Variants in ABLIM2 observed in about 807,000 individuals in gnomAD.
The protein encoded by ABLIM2 is actin-binding LIM protein 2.
Under a neutral mutation model 97.7 loss-of-function variants are expected in ABLIM2, and 53 were observed. The ratio of observed to expected loss-of-function variants is 0.54; its 90% CI spans 0.44 to 0.68. The LOEUF is 0.68. ABLIM2 is among the 30% of genes least tolerant of loss of function. The probability of loss-of-function intolerance (pLI) is 0.00; values close to 1 mark genes in which losing one functional copy is unlikely to be tolerated. For synonymous variants in ABLIM2, 361 were observed against 345.8 expected (o/e 1.04, Z -0.49); for missense variants, 835 against 867.2 (o/e 0.96, Z 0.47).
chr4:8,094,299 T>C (rs976184068), intron 3 of ABLIM2, among the ~76,000 whole-genome samples: 89 of 152,328 alleles, frequency 5.8e-4, no homozygotes, highest in South Asian at 2.1e-3. Context: ...TCTGGGCCTA[T>C]TGCTGCAGCA....
intron 4 of ABLIM2, among the ~76,000 whole-genome samples, chr4:8,081,646 G>T (rs1561245316): frequency 6.6e-6 from 1 of 152,202 alleles, no homozygotes; most frequent in Non-Finnish European, 1.5e-5. Flanking sequence ...GTATGTGGAT[G>T]TGTCTTATGG....
chr4:8,131,816 C>T (rs1448049315), intron 1 of ABLIM2, among the ~76,000 whole-genome samples: 9 of 138,106 alleles, frequency 6.5e-5, no homozygotes, highest in Non-Finnish European at 9.3e-5. Context: ...GCACAGCAGC[C>T]CGCATCCCCA....
intron 2 of ABLIM2, among the ~76,000 whole-genome samples, chr4:8,100,204 G>T (rs1284988787): frequency 6.6e-6 from 1 of 152,186 alleles, no homozygotes; most frequent in Non-Finnish European, 1.5e-5. Context: ...TCCTGGGATT[G>T]TCCCAAGGAA....
In ABLIM2 at chr4:7,983,338, G is replaced by T. The variant is rs746175441; in HGVS notation, c.1750C>A (p.Pro584Thr). The T allele has an allele frequency of 1.6e-5, 26 of 1,611,952 alleles. No individual in the cohort carries two copies. Among genetic ancestry groups the T allele is most frequent in the Non-Finnish European group, 2.2e-5 (26 of 1,179,274 alleles). The change falls in exon 20 of 21, where the codon CCG (proline) becomes ACG (threonine). Residue 584 changes from proline (P) to threonine (T), a missense_variant. By Grantham distance (38) the Pro-to-Thr change is conservative. Transcript: ENST00000447017. ...SWGMREYKIYPYDSLIVTNRI... is the reference protein window; with the variant it reads ...SWGMREYKIYTYDSLIVTNRI... ...TTTGTGACGATGAGGGAGTCATACGGATAGATCTGTTGGGGGAGGAAACCA... is the reference window on the plus strand; with the variant it reads ...TTTGTGACGATGAGGGAGTCATACGTATAGATCTGTTGGGGGAGGAAACCA...
intron 12 of ABLIM2, among the ~76,000 whole-genome samples, chr4:8,025,489 G>C (rs1205600333): frequency 8.5e-5 from 13 of 152,172 alleles, no homozygotes; most frequent in African/African-American, 2.7e-4. Flanking sequence ...TACAAGGCGT[G>C]GAAGGAAGGG....
At chr4:8,048,459 C>T (rs1793961514) in intron 8 of ABLIM2, among the ~76,000 whole-genome samples, 1 of 152,114 alleles carries the variant, frequency 6.6e-6, no homozygotes, top group Non-Finnish European at 1.5e-5. Flanking sequence ...CATGGTCTGA[C>T]CCCTCTCATC....
chr4:7,997,150 C>A (rs1160810073), intron 16 of ABLIM2, among the ~76,000 whole-genome samples: 3 of 152,176 alleles, frequency 2.0e-5, no homozygotes, highest in Non-Finnish European at 2.9e-5. Flanking sequence ...TGGCTCACTG[C>A]AACCTCCGTC....
chr4:8,056,305 CTTTTTT>C (rs71175456), intron 7 of ABLIM2, among the ~76,000 whole-genome samples: 14 of 128,186 alleles, frequency 1.1e-4, no homozygotes, highest in African/African-American at 4.1e-4. Context: ...TTCTTTCTTT[CTTTTTT>C]TTTTTTTTTT....
In ABLIM2 at chr4:7,984,856, G is replaced by C. The variant is rs749079512; in HGVS notation, c.1718C>G (p.Ala573Gly). ...CTGTGTACCTCGCATGCCCCAGCTG[G>C]CATCCGGGTCTGCTCCACAGGGGGC... ...NLAPCGADPDASWGMREYKIY... is the reference protein window; with the variant it reads ...NLAPCGADPDGSWGMREYKIY... Residue 573 changes from alanine (A) to glycine (G), a missense_variant, in exon 18 of 21, where the codon GCC becomes GGC. By Grantham distance (60) the Ala-to-Gly change is moderately conservative. Coordinates refer to ENST00000447017, the MANE Select transcript of ABLIM2 (RefSeq NM_001130083.2). 1.4e-5 allele frequency: 22 copies of C among 1,606,522 alleles called. No individual in the cohort carries two copies. Among genetic ancestry groups the C allele is most frequent in the Middle Eastern group, 3.3e-4 (2 of 6,074 alleles).
Position 8,019,599 on chromosome 4 carries a change from G to A in ABLIM2, c.1423+19C>T, listed in dbSNP as rs768859400. Reference sequence around the variant, plus strand: ...GGCATGCGGGGCAAACCACAGCAGCGGGAGGAATCCAACCGTACCATGCTG... The same window carrying A: ...GGCATGCGGGGCAAACCACAGCAGCAGGAGGAATCCAACCGTACCATGCTG... On this transcript the variant is annotated intron_variant, in intron 14 of 20. Transcript: ENST00000447017. This position sits in a 1 kb window ranked among gnomAD's most constrained non-coding sequence, Gnocchi z 4.3. 7.5e-6 allele frequency: 12 copies of A among 1,604,270 alleles called. No individual in the cohort carries two copies. Among genetic ancestry groups the A allele is most frequent in the African/African-American group, 1.3e-5 (1 of 74,284 alleles).
At chr4:7,984,366 T>C (rs1018402690) in intron 18 of ABLIM2, among the ~76,000 whole-genome samples, 5 of 152,074 alleles carry the variant, frequency 3.3e-5, no homozygotes, top group Non-Finnish European at 7.4e-5. Flanking sequence ...TGACAGGAGG[T>C]GAGCCTGTGG....
At chr4:8,073,851 G>T (rs951342192) in intron 6 of ABLIM2, among the ~76,000 whole-genome samples, 3 of 152,110 alleles carry the variant, frequency 2.0e-5, no homozygotes, top group East Asian at 3.9e-4. Context: ...ATTTTGGGAG[G>T]CTGAGGTAGG....
chr4:8,060,073 T>G (rs1802001434), intron 7 of ABLIM2, among the ~76,000 whole-genome samples: 1 of 152,190 alleles, frequency 6.6e-6, no homozygotes, highest in Admixed American at 6.5e-5. Flanking sequence ...TCTGTCTTGT[T>G]ACAGGGATCT....
At position 8,122,990 on chromosome 4, in the gene ABLIM2, G is replaced by C. The variant is rs888931797; in HGVS notation, c.11-16353C>G. On this transcript the variant is annotated intron_variant, in intron 1 of 20. Transcript: ENST00000447017. The surrounding 1 kb of genome is among the most constrained non-coding windows in gnomAD (Gnocchi z 4.1). Reference sequence around the variant, plus strand: ...TGTGGGACGTCTTCCCGGAGGTCGTGCCTGCCTCCCCTGGCGTTCCCACTC... The same window carrying C: ...TGTGGGACGTCTTCCCGGAGGTCGTCCCTGCCTCCCCTGGCGTTCCCACTC... Among the ~76,000 whole-genome samples, 1 of 152,132 alleles carries C rather than the reference G, an allele frequency of 6.6e-6. No individual in the cohort carries two copies. Among genetic ancestry groups the C allele is most frequent in the African/African-American group, 2.4e-5 (1 of 41,424 alleles).
rs1478585869 is a variant in ABLIM2 at position 7,999,495 on chromosome 4, C to CAAACAGTTACTA, written c.1619-6580_1619-6569dup. On this transcript the variant is annotated intron_variant, in intron 16 of 20. Transcript: ENST00000447017. The surrounding 1 kb of genome is among the most constrained non-coding windows in gnomAD (Gnocchi z 4.4). ...TGATATCAAGCGATCTGTTCAAGGT[C>CAAACAGTTACTA]AAACAGTTACTAACTAGAGAGGCTG... Among the ~76,000 whole-genome samples, 1 of 152,212 alleles carries CAAACAGTTACTA rather than the reference C, an allele frequency of 6.6e-6. No homozygotes were observed. Among genetic ancestry groups the CAAACAGTTACTA allele is most frequent in the African/African-American group, 2.4e-5 (1 of 41,452 alleles).
chr4:8,109,786 A>G (rs1044088349), intron 1 of ABLIM2, among the ~76,000 whole-genome samples: 8 of 152,136 alleles, frequency 5.3e-5, no homozygotes, highest in African/African-American at 1.4e-4. Context: ...ATAACTCAGC[A>G]TCACCCTGGG....
chr4:8,017,720 G>A (rs4696666), intron 14 of ABLIM2, among the ~76,000 whole-genome samples: 27,711 of 152,170 alleles, frequency 0.18, 2,959 homozygotes, highest in East Asian at 0.28. Flanking sequence ...ATGGCCAGGT[G>A]CAGCGGCTCA....
At position 7,985,098 on chromosome 4, in the gene ABLIM2, G is replaced by A. The variant is rs114858742; in HGVS notation, c.1681-205C>T. On this transcript the variant is annotated intron_variant, in intron 17 of 20. Transcript: ENST00000447017. ...GAGAGTCCAGGATGCTGTGCCCGTG[G>A]GACTGGCCAGCTTTCTTGCTCATAG... Among the ~76,000 whole-genome samples, 646 of 152,314 alleles carry A rather than the reference G, an allele frequency of 4.2e-3. 2 individuals are homozygous for A. Among genetic ancestry groups the A allele is most frequent in the African/African-American group, 0.015 (621 of 41,580 alleles).
chr4:8,153,589 A>C (rs1429717741), intron 1 of ABLIM2, among the ~76,000 whole-genome samples: 1 of 152,220 alleles, frequency 6.6e-6, no homozygotes, highest in Non-Finnish European at 1.5e-5. Context: ...GCAGCAGTGC[A>C]GCTGCCTGTG....
Sources: allele counts gnomAD v4.1 joint callset (sites outside exome capture counted in the v4.1 genomes callset), GRCh38; gene constraint gnomAD v4.1.1; non-coding constraint Gnocchi (gnomAD v3.1); transcripts MANE v1.5; gene names NCBI Gene and HGNC (gene_info 2026-07-23, HGNC 2026-07-21).